The following TAF1B variants were observed in gnomAD, a reference collection of about 807,000 sequenced individuals.
TAF1B encodes TATA box-binding protein-associated factor RNA polymerase I subunit B.
TAF1B carries 61 observed loss-of-function variants against 83.9 expected under a neutral mutation model. The ratio of observed to expected loss-of-function variants is 0.73; its 90% confidence interval spans 0.59 to 0.90. The LOEUF is 0.90. Among genes scored for constraint, TAF1B ranks in the 40% least tolerant of loss-of-function variants. The pLI is 0.00. For synonymous variants in TAF1B, 221 were observed against 224.6 expected (o/e 0.98, Z 0.14); for missense variants, 625 against 677.0 (o/e 0.92, Z 0.85).
At chr2:9,893,724 T>G (rs769504852) in intron 8 of TAF1B, among the ~76,000 whole-genome samples, 17 of 151,982 alleles carry the variant, frequency 1.1e-4, no homozygotes, top group Non-Finnish European at 2.1e-4. Context: ...AAGGCAAAGC[T>G]CAGAAAACTA....
intron 8 of TAF1B, among the ~76,000 whole-genome samples, chr2:9,889,589 A>G (rs990662293): frequency 6.6e-6 from 1 of 151,590 alleles, no homozygotes; most frequent in South Asian, 2.1e-4. Flanking sequence ...TGTTTTATTG[A>G]TTGGTTATGT....
intron 7 of TAF1B, among the ~76,000 whole-genome samples, chr2:9,880,168 G>GT (rs1387891176): frequency 6.6e-6 from 1 of 152,074 alleles, no homozygotes; most frequent in Non-Finnish European, 1.5e-5. Context: ...TAATGCAGTG[G>GT]TTTTTTTCAG....
chr2:9,891,086 A>G (rs577987796), intron 8 of TAF1B, among the ~76,000 whole-genome samples: 1 of 152,354 alleles, frequency 6.6e-6, no homozygotes, highest in South Asian at 2.1e-4. Context: ...CTCTTACTTT[A>G]AATTATACAA....
chr2:9,894,377 G>A (rs930570148), intron 8 of TAF1B, among the ~76,000 whole-genome samples: 1 of 151,990 alleles, frequency 6.6e-6, no homozygotes, highest in African/African-American at 2.4e-5. Context: ...TTGGTTAAGA[G>A]AAATTTAAAG....
chr2:9,910,323 A>G (rs1220122272), intron 9 of TAF1B, among the ~76,000 whole-genome samples: 2 of 152,214 alleles, frequency 1.3e-5, no homozygotes, highest in Non-Finnish European at 2.9e-5. Context: ...ATATCTAGTT[A>G]AACAGTTGTT....
rs925531667 is a variant in TAF1B at position 9,879,463 on chromosome 2, A to G, written c.708-3243A>G. ...ATTTCATCATGTTCTTTAGAATGGCATACAATTTAACACTTATGACTTGTT... is the reference window on the plus strand; with the variant it reads ...ATTTCATCATGTTCTTTAGAATGGCGTACAATTTAACACTTATGACTTGTT... On this transcript the variant is annotated intron_variant, in intron 7 of 14. Coordinates refer to ENST00000263663, the MANE Select transcript of TAF1B (RefSeq NM_005680.3). Among the ~76,000 whole-genome samples the G allele has an allele frequency of 2.6e-5, 4 of 152,224 alleles. No homozygotes were observed. The South Asian group carries it at 6.2e-4, about 24-fold the overall frequency.
At chr2:9,873,807 C>T (rs1395957793) in intron 6 of TAF1B, among the ~76,000 whole-genome samples, 3 of 151,742 alleles carry the variant, frequency 2.0e-5, no homozygotes, top group South Asian at 4.2e-4. Flanking sequence ...CATTTCTCAC[C>T]AGCTGCAATG....
At chr2:9,863,109 A>G (rs2125142822) in intron 5 of TAF1B, among the ~76,000 whole-genome samples, 1 of 152,168 alleles carries the variant, frequency 6.6e-6, no homozygotes, top group South Asian at 2.1e-4. Context: ...TTAACCTTAA[A>G]TGTAAATGGG....
intron 12 of TAF1B, 93 bp downstream of exon 12, chr2:9,913,342 T>C (rs756561367): frequency 2.3e-5 from 23 of 982,778 alleles, no homozygotes; most frequent in South Asian, 1.5e-4. Flanking sequence ...TATACACTTA[T>C]CTACATTGTG....
intron 5 of TAF1B, 33 bp from the exon 6 acceptor site, chr2:9,868,243 A>G (rs1664056178): frequency 6.2e-7 from 1 of 1,608,914 alleles, no homozygotes; most frequent in Non-Finnish European, 8.5e-7. Flanking sequence ...AAACTGTTAC[A>G]CAATAATTTT....
chr2:9,845,241 A>G lies in TAF1B; in HGVS notation c.40A>G (p.Thr14Ala), dbSNP rs751180434. Residue 14 changes from threonine to alanine, a missense_variant, in exon 2 of 15, where the codon ACT becomes GCT. Transcript: ENST00000263663. ...EEAEEFKERC[T>A]QCAAVSWGLT... The stretch of plus-strand genomic sequence containing the variant: ...ATAGGAAGAGTTTAAAGAACGCTGT[A>G]CTCAGTGTGCTGCTGTCTCATGGGG... The G allele has an allele frequency of 1.9e-6, 3 of 1,613,922 alleles. No homozygotes were observed. The East Asian group carries it at 6.7e-5, about 36-fold the overall frequency.
intron 7 of TAF1B, among the ~76,000 whole-genome samples, chr2:9,881,398 T>C (rs987680314): frequency 6.6e-6 from 1 of 152,166 alleles, no homozygotes; most frequent in African/African-American, 2.4e-5. Flanking sequence ...AAGCCAAATG[T>C]CAGCCCAGCT....
chr2:9,843,458 C>CG, upstream of TAF1B: 1 of 1,321,198 alleles, frequency 7.6e-7, no homozygotes, highest in Non-Finnish European at 9.7e-7. Context: ...CGTTTCCGGC[C>CG]GGAAGCTTCT....
chr2:9,852,032 A>G, intron 4 of TAF1B: 1 of 473,032 alleles, frequency 2.1e-6, no homozygotes, highest in Non-Finnish European at 4.4e-6. Context: ...CATAACGTCC[A>G]TCAGGACTTG....
At chr2:9,845,358 A>T in intron 2 of TAF1B, 40 bp downstream of exon 2, 1 of 1,569,940 alleles carries the variant, frequency 6.4e-7, no homozygotes, top group Non-Finnish European at 8.8e-7. Context: ...CTTATGTTTT[A>T]AAAATTGCCA....
rs888313404 is a variant in TAF1B, at chr2:9,934,197, AAGAG to A, written c.*215_*218del. 16 of 446,790 alleles carry A rather than the reference AAGAG, an allele frequency of 3.6e-5. No homozygotes were observed. The highest frequency in any genetic ancestry group is 6.4e-5 in the Non-Finnish European group (16 of 251,578). The allele number at this position is 446,790 out of a possible 1,614,324, so 27.7% of individuals were successfully genotyped here. A position where few individuals can be genotyped will look rare whatever the true frequency, so the allele number is the denominator to read the frequency against. ...TTATTTTTCAGAGTATGAACATTCT[AAGAG>A]AAAGTTAAAACAATAGCAAATTGTA... On this transcript the variant is annotated 3_prime_UTR_variant, in exon 15 of 15. Coordinates refer to ENST00000263663, the MANE Select transcript of TAF1B (RefSeq NM_005680.3).
At chr2:9,905,672 A>G (rs1398818635) in intron 9 of TAF1B, among the ~76,000 whole-genome samples, 1 of 151,202 alleles carries the variant, frequency 6.6e-6, no homozygotes, top group Non-Finnish European at 1.5e-5. Context: ...CTTAAGAGAA[A>G]ATACAAACGT....
At chr2:9,905,038 TTAAC>T (rs780284385) in intron 9 of TAF1B, 32 bp downstream of exon 9, 6 of 1,578,030 alleles carry the variant, frequency 3.8e-6, no homozygotes, top group South Asian at 1.1e-5. Context: ...TGGGGACACT[TTAAC>T]TAGTAGAGTA....
chr2:9,912,371 T>A (rs1195364496), intron 11 of TAF1B, among the ~76,000 whole-genome samples: 2 of 41,812 alleles, frequency 4.8e-5, no homozygotes, highest in African/African-American at 7.7e-5. Flanking sequence ...AGTTTCTTAA[T>A]GTTCTGTTCT....
Sources: allele counts gnomAD v4.1 joint callset (sites outside exome capture counted in the v4.1 genomes callset), GRCh38; gene constraint gnomAD v4.1.1; transcripts MANE v1.5; gene names NCBI Gene and HGNC (gene_info 2026-07-23, HGNC 2026-07-21).